Variants in SPAG16 observed in about 807,000 individuals in gnomAD.
The protein encoded by SPAG16 is sperm-associated antigen 16 protein.
Under a neutral mutation model 80.4 loss-of-function variants are expected in SPAG16, and 86 were observed. The observed-to-expected ratio is 1.07, with a 90% CI of 0.90 to 1.28. SPAG16 has a LOEUF of 1.28. Ranked by LOEUF, SPAG16 falls within the 50% of genes most tolerant of loss-of-function variation. The pLI is 0.00. For synonymous variants in SPAG16, 294 were observed against 265.9 expected, an observed-to-expected ratio of 1.11 and a Z score of -1.03; for missense variants, 870 against 765.3, an observed-to-expected ratio of 1.14 and a Z score of -1.61.
At chr2:213,548,871 G>A (rs1436802836) in intron 10 of SPAG16, among the ~76,000 whole-genome samples, 2 of 151,840 alleles carry the variant, frequency 1.3e-5, no homozygotes, top group East Asian at 3.9e-4. Context: ...ACTTTTGAAG[G>A]GCTACTCCCG....
chr2:213,808,935 A>G (rs575811340), intron 10 of SPAG16, among the ~76,000 whole-genome samples: 33 of 152,280 alleles, frequency 2.2e-4, no homozygotes, highest in Admixed American at 1.1e-3. Flanking sequence ...AAAAAAATGC[A>G]CATCATAGAT....
chr2:214,081,185 T>A (rs2051375090), intron 13 of SPAG16, among the ~76,000 whole-genome samples: 1 of 151,968 alleles, frequency 6.6e-6, no homozygotes, highest in African/African-American at 2.4e-5. Context: ...AAACCATAAT[T>A]CAACTGAGAT....
Position 213,376,648 on chromosome 2 carries a change from CAA to C in SPAG16, c.942+1531_942+1532del, listed in dbSNP as rs551292377. Among the ~76,000 whole-genome samples the C allele has an allele frequency of 1.8e-4, 27 of 152,050 alleles. No individual in the cohort carries two copies. In the South Asian group the frequency reaches 5.6e-3, roughly 32 times the overall value. On this transcript the variant is annotated intron_variant, in intron 9 of 15. Transcript: ENST00000331683. ...ATGATATCTATTGACTCCGCCGTAA[CAA>C]AGAGGCATTTAGAGCACTTTACTGA...
chr2:214,171,872 T>C (rs2056879407), intron 15 of SPAG16, among the ~76,000 whole-genome samples: 1 of 152,056 alleles, frequency 6.6e-6, no homozygotes, highest in South Asian at 2.1e-4. Flanking sequence ...TTAAAATACA[T>C]TTTATTGTGT....
chr2:214,381,920 A>C (rs1044934756), intron 15 of SPAG16, among the ~76,000 whole-genome samples: 1 of 152,232 alleles, frequency 6.6e-6, no homozygotes, highest in Non-Finnish European at 1.5e-5. Flanking sequence ...TTTGCTTTGA[A>C]AACCAGGCCT....
At chr2:213,691,924 CTAAAAAGT>C (rs1432076730) in intron 10 of SPAG16, among the ~76,000 whole-genome samples, 1 of 152,026 alleles carries the variant, frequency 6.6e-6, no homozygotes, top group African/African-American at 2.4e-5. Context: ...GTAGTCTATC[CTAAAAAGT>C]TAAACAAGAC....
In SPAG16 at chr2:214,057,847, CTT is replaced by C. The variant is rs533658025; in HGVS notation, c.1527+43772_1527+43773del. ...ATCAGCACTGGCGCTTCACCTTGCA[CTT>C]TATGTTATGGAGATGGCTTCTTTCC... On this transcript the variant is annotated intron_variant, in intron 13 of 15. Coordinates refer to ENST00000331683, the MANE Select transcript of SPAG16 (RefSeq NM_024532.5). Among the ~76,000 whole-genome samples, 12 of 152,300 alleles carry C rather than the reference CTT, an allele frequency of 7.9e-5. 1 individual carries two copies. The South Asian group carries it at 2.5e-3, about 32-fold the overall frequency.
intron 4 of SPAG16, among the ~76,000 whole-genome samples, chr2:213,310,899 AG>A (rs888575468): frequency 1.3e-5 from 2 of 151,800 alleles, no homozygotes; most frequent in Non-Finnish European, 3.0e-5. Context: ...TATTCTAGAA[AG>A]GGGGATTAAT....
At chr2:213,850,329 G>A (rs1190100652) in intron 10 of SPAG16, among the ~76,000 whole-genome samples, 1 of 152,164 alleles carries the variant, frequency 6.6e-6, no homozygotes, top group Non-Finnish European at 1.5e-5. Flanking sequence ...GTTAATAAGA[G>A]AAAAGCAAAA....
chr2:213,417,956 A>G (rs929879840), intron 9 of SPAG16, among the ~76,000 whole-genome samples: 3 of 151,394 alleles, frequency 2.0e-5, no homozygotes, highest in African/African-American at 7.3e-5. Flanking sequence ...TCGCTGCAAC[A>G]TCTGCTTCCC....
In SPAG16 at chr2:213,952,809, G is replaced by T. The variant is rs553137511; in HGVS notation, c.1400+22664G>T. On this transcript the variant is annotated intron_variant, in intron 12 of 15. Coordinates refer to ENST00000331683, the MANE Select transcript of SPAG16 (RefSeq NM_024532.5). Reference sequence around the variant, plus strand: ...AGAAATAACCAATAGCTGAAATATGGGTGTCAAGTCTTTACCAGAATGAGA... The same window carrying T: ...AGAAATAACCAATAGCTGAAATATGTGTGTCAAGTCTTTACCAGAATGAGA... 7.4e-3 allele frequency among the ~76,000 whole-genome samples: 1,130 copies of T among 152,132 alleles called. 16 individuals carry two copies. Among genetic ancestry groups the T allele is most frequent in the African/African-American group, 0.026 (1,073 of 41,546 alleles).
intron 15 of SPAG16, among the ~76,000 whole-genome samples, chr2:214,284,363 C>T (rs1226107823): frequency 6.6e-6 from 1 of 152,114 alleles, no homozygotes; most frequent in Non-Finnish European, 1.5e-5. Context: ...CTTAACTTTC[C>T]AGAACATTGA....
chr2:213,496,327 A>G (rs2074487367), intron 10 of SPAG16, among the ~76,000 whole-genome samples: 1 of 152,212 alleles, frequency 6.6e-6, no homozygotes, highest in Non-Finnish European at 1.5e-5. Context: ...GCCTGAGAAC[A>G]GGAAGAATAG....
At position 213,490,153 on chromosome 2, in the gene SPAG16, C is replaced by T. The variant is rs1224780290; in HGVS notation, c.1070+63C>T. On this transcript the variant is annotated intron_variant, in intron 10 of 15. Transcript: ENST00000331683. The stretch of plus-strand genomic sequence containing the variant: ...TTATTTTCATGTCAAAATTTTAATG[C>T]TCTTACAGCCATTCATGGTTGAAAT... 2.8e-6 allele frequency: 4 copies of T among 1,432,388 alleles called. No homozygotes were observed. In the African/African-American group the frequency reaches 4.3e-5, roughly 16 times the overall value. 88.7% of individuals were successfully genotyped at this position (1,432,388 alleles called of 1,614,324 possible). A position where few individuals can be genotyped will look rare whatever the true frequency, so the allele number is the denominator to read the frequency against.
intron 13 of SPAG16, among the ~76,000 whole-genome samples, chr2:214,033,308 T>C (rs371648342): frequency 5.3e-5 from 8 of 152,172 alleles, no homozygotes; most frequent in African/African-American, 1.7e-4. Flanking sequence ...TATAGTTTTG[T>C]GGTTGAAAAA....
chr2:214,202,499 A>C (rs1351763532), intron 15 of SPAG16, among the ~76,000 whole-genome samples: 2 of 152,190 alleles, frequency 1.3e-5, no homozygotes, highest in Non-Finnish European at 2.9e-5. Flanking sequence ...ATGAGTATTT[A>C]ATGAAAATTA....
intron 13 of SPAG16, among the ~76,000 whole-genome samples, chr2:214,043,079 C>T (rs1488246496): frequency 6.6e-6 from 1 of 151,640 alleles, no homozygotes; most frequent in African/African-American, 2.4e-5. Flanking sequence ...TCTGGTACAC[C>T]AAAGGTCACA....
At chr2:214,241,357 C>A (rs1259252947) in intron 15 of SPAG16, 11 of 106,004 alleles carry the variant, frequency 1.0e-4, no homozygotes, top group African/African-American at 4.2e-4. Flanking sequence ...GACTCCGTTG[C>A]CAAAAAAAAA....
At chr2:214,300,365 T>C (rs1417538667) in intron 15 of SPAG16, among the ~76,000 whole-genome samples, 1 of 152,162 alleles carries the variant, frequency 6.6e-6, no homozygotes, top group African/African-American at 2.4e-5. Context: ...TAGTCCTCCA[T>C]TGGTTTAGTG....
Sources: allele counts gnomAD v4.1 joint callset (sites outside exome capture counted in the v4.1 genomes callset), GRCh38; gene constraint gnomAD v4.1.1; transcripts MANE v1.5; gene names NCBI Gene and HGNC (gene_info 2026-07-23, HGNC 2026-07-21).